The following RAD51B variants were observed in gnomAD, a reference collection of about 807,000 sequenced individuals.
The protein encoded by RAD51B is DNA repair protein RAD51 homolog 2.
A neutral mutation model predicts 42.2 loss-of-function variants in RAD51B; 38 were observed. The ratio of observed to expected loss-of-function variants is 0.90; its 90% CI spans 0.70 to 1.18. The LOEUF is 1.18. RAD51B is among the 50% of genes most tolerant of loss of function. RAD51B has a pLI of 0.00. For missense variants in RAD51B, 373 were observed against 400.7 expected (o/e 0.93, Z 0.59); for synonymous variants, 154 against 145.2 (o/e 1.06, Z -0.43).
intron 7 of RAD51B, among the ~76,000 whole-genome samples, chr14:68,066,543 C>T (rs952354471): frequency 1.5e-4 from 23 of 152,132 alleles, no homozygotes; most frequent in Middle Eastern, 3.4e-3. Context: ...GAGAAATCTA[C>T]GAAAGTATTA....
chr14:68,081,586 T>C (rs560860614), intron 7 of RAD51B, among the ~76,000 whole-genome samples: 1 of 152,356 alleles, frequency 6.6e-6, no homozygotes, highest in South Asian at 2.1e-4. Flanking sequence ...TGAAGGAGAA[T>C]GTTATTTCAA....
rs186096041 is a variant in RAD51B, at chr14:67,860,325, G to A, written c.316-4678G>A. Among the ~76,000 whole-genome samples, 9 of 152,162 alleles carry A rather than the reference G, an allele frequency of 5.9e-5. 1 individual carries two copies. Among genetic ancestry groups the A allele is most frequent in the Admixed American group, 5.9e-4 (9 of 15,294 alleles). On this transcript the variant is annotated intron_variant, in intron 4 of 10. Transcript: ENST00000471583. ...ATACATGAAGAACTAATTTCATTTT[G>A]TGCCATTAAAATAAAGATGTATCAG... is the stretch of plus-strand genomic sequence containing the variant.
At chr14:68,124,754 C>T (rs566482111) in intron 7 of RAD51B, among the ~76,000 whole-genome samples, 599 of 152,164 alleles carry the variant, frequency 3.9e-3, no homozygotes, top group Non-Finnish European at 5.8e-3. Flanking sequence ...GAGTTTGAGA[C>T]CAGCCTGGCC....
At chr14:68,497,464 T>C in intron 10 of RAD51B, 1 of 1,068,630 alleles carries the variant, frequency 9.4e-7, no homozygotes, top group Non-Finnish European at 1.1e-6. Context: ...AAGGGTTGGG[T>C]TGTGTTCGTG....
At chr14:68,427,200 C>A (rs75742384) in intron 9 of RAD51B, among the ~76,000 whole-genome samples, 1 of 152,220 alleles carries the variant, frequency 6.6e-6, no homozygotes, top group Non-Finnish European at 1.5e-5. Flanking sequence ...CAGAGAGCCC[C>A]ATCTAGGGCA....
chr14:68,514,089 C>T (rs1016777734), intron 10 of RAD51B, among the ~76,000 whole-genome samples: 9 of 152,372 alleles, frequency 5.9e-5, no homozygotes, highest in Middle Eastern at 3.4e-3. Flanking sequence ...TCTCCATCCT[C>T]GCTCTGCTAC....
At chr14:68,594,500 C>G in exon 11 of RAD51B, 3 of 1,367,892 alleles carry the variant, frequency 2.2e-6, no homozygotes, top group South Asian at 1.1e-5. Context: ...ACATTTTGCT[C>G]TGTCACCCAA....
chr14:68,401,826 G>A (rs546335342), intron 8 of RAD51B, among the ~76,000 whole-genome samples: 1 of 152,308 alleles, frequency 6.6e-6, no homozygotes, highest in South Asian at 2.1e-4. Context: ...GAATCTCAAA[G>A]CTCAGAAGAT....
At chr14:68,203,104 T>G (rs143051664) in intron 7 of RAD51B, among the ~76,000 whole-genome samples, 31 of 152,358 alleles carry the variant, frequency 2.0e-4, no homozygotes, top group African/African-American at 7.5e-4. Flanking sequence ...ATGAATGTTC[T>G]TAATGGCACC....
chr14:68,658,111 G>A (rs1444054951), intron 11 of RAD51B, among the ~76,000 whole-genome samples: 1 of 152,200 alleles, frequency 6.6e-6, no homozygotes, highest in African/African-American at 2.4e-5. Context: ...GCACAACTCC[G>A]ACAGGAGCAC....
At chr14:68,211,679 A>G (rs960699549) in intron 7 of RAD51B, among the ~76,000 whole-genome samples, 1 of 152,216 alleles carries the variant, frequency 6.6e-6, no homozygotes, top group African/African-American at 2.4e-5. Flanking sequence ...TCACCTAAGG[A>G]AAGTCATTGT....
At chr14:68,320,369 T>C (rs1202427075) in intron 8 of RAD51B, among the ~76,000 whole-genome samples, 1 of 152,250 alleles carries the variant, frequency 6.6e-6, no homozygotes, top group Non-Finnish European at 1.5e-5. Context: ...TTTTGTAGTA[T>C]TAAATTTGAC....
At chr14:68,497,054 T>A in intron 10 of RAD51B, 1 of 1,282,858 alleles carries the variant, frequency 7.8e-7, no homozygotes, top group Non-Finnish European at 1.0e-6. Context: ...TTAGCCTCAG[T>A]AGGCTTTATG....
At chr14:68,613,707 A>G (rs376730604), downstream of RAD51B, among the ~76,000 whole-genome samples, 173 of 151,702 alleles carry the variant, frequency 1.1e-3, 1 homozygote, top group Middle Eastern at 6.8e-3. Flanking sequence ...ACCCGCCTTG[A>G]CCTCCCAAAG....
chr14:68,166,902 A>G (rs1358161679), intron 7 of RAD51B, among the ~76,000 whole-genome samples: 1 of 152,056 alleles, frequency 6.6e-6, no homozygotes, highest in Non-Finnish European at 1.5e-5. Flanking sequence ...TTTCCTCAAC[A>G]TCTGTAGATT....
intron 7 of RAD51B, among the ~76,000 whole-genome samples, chr14:68,107,166 G>C (rs2140569986): frequency 6.6e-6 from 1 of 151,932 alleles, no homozygotes; most frequent in South Asian, 2.1e-4. Context: ...AGGGATATAG[G>C]ATGTGAAGTC....
At chr14:68,563,900 ACAGG>A (rs1445678028) in intron 10 of RAD51B, 11 of 985,330 alleles carry the variant, frequency 1.1e-5, no homozygotes, top group Non-Finnish European at 1.3e-5. Flanking sequence ...AGTAACGGCC[ACAGG>A]CCGATTCTCG....
intron 8 of RAD51B, among the ~76,000 whole-genome samples, chr14:68,367,065 G>A (rs1308470365): frequency 6.6e-6 from 1 of 152,220 alleles, no homozygotes; most frequent in African/African-American, 2.4e-5. Context: ...GGACATAACA[G>A]ATTTTTTTCA....
At chr14:68,460,837 GT>G (rs2085827222) in intron 9 of RAD51B, among the ~76,000 whole-genome samples, 1 of 152,166 alleles carries the variant, frequency 6.6e-6, no homozygotes, top group African/African-American at 2.4e-5. Flanking sequence ...GAAGCCTGCT[GT>G]TTTCTATGGC....
Sources: gnomAD v4.1 joint callset for allele counts (sites outside exome capture counted in the v4.1 genomes callset) on GRCh38, gnomAD v4.1.1 for gene constraint, MANE v1.5 for transcripts, NCBI Gene and HGNC (gene_info 2026-07-23, HGNC 2026-07-21) for gene names.